Variants in NRG1 observed in about 807,000 individuals in gnomAD.
NRG1 encodes the protein pro-neuregulin-1, membrane-bound isoform.
NRG1 carries 18 observed loss-of-function variants against 63.8 expected under a neutral mutation model. That is an observed-to-expected ratio of 0.28 (90% CI 0.19 to 0.42). The LOEUF is 0.42. Among genes scored for constraint, NRG1 ranks in the 10% least tolerant of loss-of-function variants. The pLI is 1.00. For missense variants in NRG1, 762 were observed against 814.7 expected, an observed-to-expected ratio of 0.94 and a Z score of 0.79; for synonymous variants, 302 against 301.3, an observed-to-expected ratio of 1.00 and a Z score of -0.02.
At chr8:31,979,245 G>A (rs972459351) in intron 1 of NRG1, among the ~76,000 whole-genome samples, 1 of 152,068 alleles carries the variant, frequency 6.6e-6, no homozygotes, top group Non-Finnish European at 1.5e-5. Context: ...GTTAACCCAG[G>A]TTCTTGCTTG....
chr8:32,425,090 C>G (rs1817190240), intron 1 of NRG1, among the ~76,000 whole-genome samples: 1 of 152,168 alleles, frequency 6.6e-6, no homozygotes, highest in African/African-American at 2.4e-5. Context: ...ATATCAGTAG[C>G]ATTTCTCCAA....
At chr8:32,407,988 C>A (rs1009825673) in intron 1 of NRG1, among the ~76,000 whole-genome samples, 1 of 152,162 alleles carries the variant, frequency 6.6e-6, no homozygotes, top group African/African-American at 2.4e-5. Context: ...AGTCATCCTG[C>A]TGCATTTCCT....
chr8:32,187,252 C>T (rs181304603), intron 1 of NRG1, among the ~76,000 whole-genome samples: 24 of 152,086 alleles, frequency 1.6e-4, no homozygotes, highest in South Asian at 6.2e-4. Context: ...TAAAAGTGGG[C>T]GCATTAGTGA....
intron 1 of NRG1, among the ~76,000 whole-genome samples, chr8:32,233,536 A>AATATATATATATATAT (rs71541806): frequency 3.5e-4 from 31 of 88,102 alleles, no homozygotes; most frequent in Admixed American, 4.9e-4. Flanking sequence ...AACTCGAAAG[A>AATATATATATATATAT]ATATATATAT....
chr8:32,132,670 A>T (rs902293049), intron 1 of NRG1, among the ~76,000 whole-genome samples: 1 of 152,116 alleles, frequency 6.6e-6, no homozygotes. Flanking sequence ...GTGTGAATGC[A>T]TGGAAGAACA....
chr8:32,051,594 T>C (rs1039864328), intron 1 of NRG1, among the ~76,000 whole-genome samples: 8 of 152,126 alleles, frequency 5.3e-5, no homozygotes, highest in African/African-American at 1.9e-4. Flanking sequence ...TAATTACATC[T>C]GAGCAGAATT....
chr8:31,823,522 C>T (rs1824213187), intron 1 of NRG1, among the ~76,000 whole-genome samples: 1 of 152,160 alleles, frequency 6.6e-6, no homozygotes, highest in Non-Finnish European at 1.5e-5. Context: ...CTATTAGTTT[C>T]ATGGCGTATT....
At chr8:32,540,370 C>A (rs1027889807) in intron 1 of NRG1, among the ~76,000 whole-genome samples, 6 of 152,144 alleles carry the variant, frequency 3.9e-5, no homozygotes, top group African/African-American at 1.4e-4. Flanking sequence ...TGACTCTCAG[C>A]ACTCTGCTTA....
At chr8:32,108,140 A>G (rs2131418562) in intron 1 of NRG1, among the ~76,000 whole-genome samples, 1 of 152,274 alleles carries the variant, frequency 6.6e-6, no homozygotes, top group South Asian at 2.1e-4. Context: ...ACCCTCCTCA[A>G]AGAAGTCCTC....
At chr8:31,939,081 G>A (rs1419752015) in intron 1 of NRG1, among the ~76,000 whole-genome samples, 5 of 152,202 alleles carry the variant, frequency 3.3e-5, no homozygotes, top group South Asian at 2.1e-4. Context: ...GAAACTCATC[G>A]CAAAAAGATC....
intron 1 of NRG1, among the ~76,000 whole-genome samples, chr8:31,780,726 A>G (rs1819602618): frequency 6.6e-6 from 1 of 152,164 alleles, no homozygotes; most frequent in Non-Finnish European, 1.5e-5. Flanking sequence ...TATTGGAGCA[A>G]ATCAGAGATG....
At chr8:32,357,156 C>T (rs1307015978) in intron 1 of NRG1, among the ~76,000 whole-genome samples, 3 of 152,116 alleles carry the variant, frequency 2.0e-5, no homozygotes, top group Non-Finnish European at 4.4e-5. Context: ...ACTGAGCCCC[C>T]ATACAGACCT....
intron 1 of NRG1, among the ~76,000 whole-genome samples, chr8:32,565,417 G>A (rs1029677479): frequency 3.9e-5 from 6 of 152,048 alleles, no homozygotes; most frequent in Non-Finnish European, 8.8e-5. Flanking sequence ...CATTATGCCC[G>A]GTCTAGAACT....
chr8:32,186,866 A>T (rs1842023293), intron 1 of NRG1, among the ~76,000 whole-genome samples: 1 of 152,114 alleles, frequency 6.6e-6, no homozygotes, highest in Non-Finnish European at 1.5e-5. Context: ...ACTTCTGGAG[A>T]GTTCCACAGT....
At chr8:32,554,929 C>CTCT (rs1554580903) in intron 1 of NRG1, among the ~76,000 whole-genome samples, 19 of 145,878 alleles carry the variant, frequency 1.3e-4, no homozygotes, top group African/African-American at 2.0e-4. Context: ...CTCTCTCTCT[C>CTCT]TTTTTTTTTT....
intron 1 of NRG1, among the ~76,000 whole-genome samples, chr8:32,344,602 ATTTTTTTTTT>A (rs61448713): frequency 4.0e-5 from 4 of 101,184 alleles, no homozygotes; most frequent in South Asian, 6.3e-4. Context: ...ACACTCAGCT[ATTTTTTTTTT>A]TTTTTTTTTT....
intron 5 of NRG1, among the ~76,000 whole-genome samples, chr8:32,621,384 G>A (rs1848306258): frequency 6.6e-6 from 1 of 152,166 alleles, no homozygotes; most frequent in Admixed American, 6.5e-5. Flanking sequence ...TTACAAAACA[G>A]TCAATAGGAC....
At chr8:32,122,628 A>G (rs993653105) in intron 1 of NRG1, among the ~76,000 whole-genome samples, 2 of 151,594 alleles carry the variant, frequency 1.3e-5, no homozygotes, top group Admixed American at 6.6e-5. Context: ...TATTATTATT[A>G]TTATTATTAT....
In NRG1 at chr8:32,132,235, A is replaced by G. The variant is rs77234254; in HGVS notation, c.38-463593A>G. Among the ~76,000 whole-genome samples the G allele has an allele frequency of 9.4e-3, 1,424 of 152,210 alleles. 21 individuals are homozygous for G. Among genetic ancestry groups the G allele is most frequent in the African/African-American group, 0.031 (1,269 of 41,556 alleles). On this transcript the variant is annotated intron_variant, in intron 1 of 10. Coordinates refer to the NRG1 transcript ENST00000519301. The stretch of plus-strand genomic sequence containing the variant: ...AAGCTAACCTTGTGAGGTACGAATT[A>G]TGACTTCTTCCTGAAGGAGAAAAGC...
Sources: gnomAD v4.1 joint callset for allele counts (sites outside exome capture counted in the v4.1 genomes callset) on GRCh38, gnomAD v4.1.1 for gene constraint, MANE v1.5 for transcripts, NCBI Gene and HGNC (gene_info 2026-07-23, HGNC 2026-07-21) for gene names.